Variants in TENM1 observed in about 807,000 individuals in gnomAD.
TENM1 encodes teneurin transmembrane protein 1.
A neutral mutation model predicts 174.8 loss-of-function variants in TENM1; 35 were observed. The observed-to-expected ratio is 0.20, with a 90% CI of 0.15 to 0.27. The LOEUF is 0.27. TENM1 is among the 10% of genes least tolerant of loss of function. The pLI is 1.00. For synonymous variants in TENM1, 781 were observed against 798.7 expected (o/e 0.98, Z 0.37); for missense variants, 1,633 against 2,130.1 (o/e 0.77, Z 4.59).
At chrX:125,028,769 A>T in the TENM1 span, among the ~76,000 whole-genome samples, 4 of 112,100 alleles carry the variant, frequency 3.6e-5, no homozygotes, top group African/African-American at 9.7e-5. Context: ...AACCAATAAA[A>T]AACAAAGAAA....
At chrX:125,162,312 A>G in the TENM1 span, among the ~76,000 whole-genome samples, 1 of 112,335 alleles carries the variant, frequency 8.9e-6, no homozygotes, top group African/African-American at 3.2e-5. Context: ...TTTTTACTTT[A>G]TCACTATAGC....
the TENM1 span, among the ~76,000 whole-genome samples, chrX:125,197,467 C>A: frequency 9.0e-6 from 1 of 111,705 alleles, no homozygotes; most frequent in Admixed American, 9.5e-5. Flanking sequence ...GAATGAATGA[C>A]TTTTTCCATT....
At chrX:124,522,135 T>G (rs772128914) in intron 17 of TENM1, among the ~76,000 whole-genome samples, 1 of 111,945 alleles carries the variant, frequency 8.9e-6, no homozygotes, top group African/African-American at 3.2e-5. Flanking sequence ...AAACACTGTC[T>G]TGTTTTTTCT....
chrX:125,012,832 C>G, the TENM1 span, among the ~76,000 whole-genome samples: 1 of 111,753 alleles, frequency 8.9e-6, no homozygotes, highest in Non-Finnish European at 1.9e-5. Flanking sequence ...TAAAACAATT[C>G]AAGGGTATTA....
At chrX:125,078,711 A>C in the TENM1 span, among the ~76,000 whole-genome samples, 2 of 111,763 alleles carry the variant, frequency 1.8e-5, no homozygotes, top group African/African-American at 6.5e-5. Flanking sequence ...TAATAAATGC[A>C]CTGAAGGAAA....
At chrX:124,397,758 C>T (rs1244337865) in intron 27 of TENM1, among the ~76,000 whole-genome samples, 5 of 109,196 alleles carry the variant, frequency 4.6e-5, no homozygotes, top group Non-Finnish European at 9.6e-5. Flanking sequence ...CCACCATGCC[C>T]GGTTAATTTT....
At chrX:124,507,465 T>C (rs1251370896) in intron 18 of TENM1, among the ~76,000 whole-genome samples, 1 of 111,543 alleles carries the variant, frequency 9.0e-6, no homozygotes, top group Non-Finnish European at 1.9e-5. Context: ...GAGGATTCTA[T>C]CCTCTGGTCA....
rs561147418 is a variant in TENM1 at position 124,559,793 on chromosome X, T to C, written c.2434+1878A>G. 5.2e-4 allele frequency among the ~76,000 whole-genome samples: 58 copies of C among 111,928 alleles called. No homozygotes were observed. In the South Asian group the frequency reaches 0.021, roughly 40 times the overall value. ...GTGAGATACTATTATTTTCAACATA[T>C]TGGGAATATAACTATGGGCAATGGG... is the stretch of plus-strand genomic sequence containing the variant. On this transcript the variant is annotated intron_variant, in intron 14 of 31. Transcript: ENST00000422452.
chrX:124,444,774 G>A (rs2060948220), intron 23 of TENM1, among the ~76,000 whole-genome samples: 1 of 111,076 alleles, frequency 9.0e-6, no homozygotes, highest in African/African-American at 3.3e-5. Context: ...AAGCCATGGT[G>A]GCTTCCATTC....
chrX:124,998,480 A>G, the TENM1 span, among the ~76,000 whole-genome samples: 3 of 110,214 alleles, frequency 2.7e-5, no homozygotes, highest in African/African-American at 9.9e-5. Flanking sequence ...GTATTTCTAA[A>G]AAAAAAAAAA....
the TENM1 span, among the ~76,000 whole-genome samples, chrX:125,058,513 A>G: frequency 8.9e-6 from 1 of 112,005 alleles, no homozygotes; most frequent in Non-Finnish European, 1.9e-5. Context: ...ATAGATATGA[A>G]AGAGTGTCCA....
At chrX:125,015,416 T>A in the TENM1 span, among the ~76,000 whole-genome samples, 12 of 111,536 alleles carry the variant, frequency 1.1e-4, no homozygotes, top group African/African-American at 3.9e-4. Flanking sequence ...CTCAACTTGA[T>A]AATTTAGTAA....
chrX:124,775,412 T>G (rs1163077542), intron 3 of TENM1, among the ~76,000 whole-genome samples: 1 of 111,549 alleles, frequency 9.0e-6, no homozygotes, highest in African/African-American at 3.3e-5. Flanking sequence ...GTATGAAACA[T>G]GTGCCCCACT....
intron 11 of TENM1, among the ~76,000 whole-genome samples, chrX:124,601,457 G>A (rs541734214): frequency 9.0e-6 from 1 of 111,022 alleles, no homozygotes; most frequent in African/African-American, 3.3e-5. Flanking sequence ...AGACTTGATG[G>A]CAGGAAATTG....
At chrX:125,114,741 G>C in the TENM1 span, among the ~76,000 whole-genome samples, 1 of 111,124 alleles carries the variant, frequency 9.0e-6, no homozygotes, top group South Asian at 3.8e-4. Context: ...AATTGAGGCA[G>C]TAATTAATAG....
chrX:124,614,485 A>G (rs1470001485), intron 11 of TENM1, among the ~76,000 whole-genome samples: 1 of 112,143 alleles, frequency 8.9e-6, no homozygotes, highest in Non-Finnish European at 1.9e-5. Flanking sequence ...AAATAAGACT[A>G]GACTAAAATG....
At chrX:125,007,910 C>T in the TENM1 span, among the ~76,000 whole-genome samples, 10 of 111,865 alleles carry the variant, frequency 8.9e-5, no homozygotes, top group East Asian at 2.2e-3. Context: ...AAAACCAGTA[C>T]CAGCCACTGC....
chrX:124,994,447 T>C, the TENM1 span, among the ~76,000 whole-genome samples: 1 of 109,807 alleles, frequency 9.1e-6, no homozygotes, highest in Non-Finnish European at 1.9e-5. Context: ...ATTGTCCTTA[T>C]CTTATAGATT....
exon 32 of TENM1, chrX:124,376,648 A>G (rs988420741): frequency 2.7e-5 from 3 of 112,448 alleles, no homozygotes; most frequent in Non-Finnish European, 5.6e-5. Flanking sequence ...TAGCTTTCAC[A>G]TGAAGGACAC....
Sources: gnomAD v4.1 joint callset for allele counts (sites outside exome capture counted in the v4.1 genomes callset) on GRCh38, gnomAD v4.1.1 for gene constraint, MANE v1.5 for transcripts, NCBI Gene and HGNC (gene_info 2026-07-23, HGNC 2026-07-21) for gene names.